The following DNAJC13 variants were observed in gnomAD, a reference collection of about 807,000 sequenced individuals.
DNAJC13 encodes DnaJ heat shock protein family (Hsp40) member C13.
DNAJC13 carries 75 observed loss-of-function variants against 290.5 expected under a neutral mutation model. That is an observed-to-expected ratio of 0.26 (90% confidence interval 0.21 to 0.31). The LOEUF is 0.31. Ranked by LOEUF, DNAJC13 falls within the 10% of genes least tolerant of loss-of-function variation. The pLI, the probability that DNAJC13 is intolerant of heterozygous loss-of-function variation, is 1.00. For synonymous variants in DNAJC13, 862 were observed against 892.0 expected (o/e 0.97, Z 0.60); for missense variants, 2,260 against 2,674.5 (o/e 0.85, Z 3.42).
At chr3:132,513,392 C>G (rs1935834630) in intron 45 of DNAJC13, among the ~76,000 whole-genome samples, 1 of 152,100 alleles carries the variant, frequency 6.6e-6, no homozygotes. Context: ...ACTGGGGAAG[C>G]TTAGAAGCCA....
chr3:132,504,327 TA>T (rs1170436061), intron 41 of DNAJC13, among the ~76,000 whole-genome samples: 11 of 131,764 alleles, frequency 8.3e-5, no homozygotes, highest in Non-Finnish European at 1.1e-4. Context: ...TTTTTTTTTT[TA>T]ATTTTGTTTT....
chr3:132,531,796 C>CAAA (rs556425849), intron 55 of DNAJC13, among the ~76,000 whole-genome samples: 2 of 123,492 alleles, frequency 1.6e-5, no homozygotes, highest in African/African-American at 3.0e-5. Flanking sequence ...GACTCTGCCT[C>CAAA]AAAAAAAAAA....
intron 48 of DNAJC13, among the ~76,000 whole-genome samples, chr3:132,519,880 T>TA (rs1299800481): frequency 1.3e-5 from 2 of 152,184 alleles, no homozygotes; most frequent in Non-Finnish European, 2.9e-5. Context: ...TTATTGGACT[T>TA]ACATCTCCAT....
At chr3:132,492,721 G>GAAGGAA in intron 33 of DNAJC13, 106 bp downstream of exon 33, 1 of 960,270 alleles carries the variant, frequency 1.0e-6, no homozygotes, top group Non-Finnish European at 1.6e-6. Flanking sequence ...GCTTTCTTAA[G>GAAGGAA]TATTCCTTCT....
chr3:132,438,517 G>T (rs1267926087), intron 2 of DNAJC13, among the ~76,000 whole-genome samples: 1 of 152,164 alleles, frequency 6.6e-6, no homozygotes. Context: ...GGGATTTAGG[G>T]CCTCAGTTTT....
chr3:132,462,180 TTA>T (rs1933819993), intron 15 of DNAJC13, among the ~76,000 whole-genome samples: 1 of 152,204 alleles, frequency 6.6e-6, no homozygotes, highest in African/African-American at 2.4e-5. Flanking sequence ...TATATTTTTA[TTA>T]TTTTAGTATC....
intron 45 of DNAJC13, among the ~76,000 whole-genome samples, chr3:132,514,287 C>T (rs1935858072): frequency 6.6e-6 from 1 of 152,060 alleles, no homozygotes; most frequent in Non-Finnish European, 1.5e-5. Context: ...TCATTATTTT[C>T]CTAATCACCA....
intron 41 of DNAJC13, 48 bp from the exon 42 acceptor site, chr3:132,505,254 A>G: frequency 8.3e-7 from 1 of 1,203,954 alleles, no homozygotes; most frequent in Admixed American, 1.9e-5. Flanking sequence ...TGATAATGTC[A>G]ATAAGTTTTT....
In DNAJC13 at chr3:132,482,337, A is replaced by G. The variant is rs757750194; in HGVS notation, c.2979+7A>G. ...CCCGTATGGATTTCATGAGGTATGTATCTTGGAGATACTTTTGGTGAAGGT... is the reference window on the plus strand; with the variant it reads ...CCCGTATGGATTTCATGAGGTATGTGTCTTGGAGATACTTTTGGTGAAGGT... On this transcript the variant is annotated splice_region_variant and intron_variant, in intron 27 of 55. Transcript: ENST00000260818. The G allele has an allele frequency of 2.5e-6, 4 of 1,609,206 alleles. No individual in the cohort carries two copies. Among genetic ancestry groups the G allele is most frequent in the Non-Finnish European group, 3.4e-6 (4 of 1,176,430 alleles).
At chr3:132,525,823 C>G (rs756029102) in intron 52 of DNAJC13, 34 bp downstream of exon 52, 1 of 1,595,924 alleles carries the variant, frequency 6.3e-7, no homozygotes, top group African/African-American at 1.3e-5. Flanking sequence ...TTTATAAGCT[C>G]CAGAATTTAT....
chr3:132,524,883 A>G (rs549041324), intron 51 of DNAJC13, among the ~76,000 whole-genome samples: 1 of 152,242 alleles, frequency 6.6e-6, no homozygotes, highest in Non-Finnish European at 1.5e-5. Context: ...CACAATAGAA[A>G]GTGCTTTGTG....
At chr3:132,526,547 C>T (rs944562921) in intron 53 of DNAJC13, among the ~76,000 whole-genome samples, 1 of 152,144 alleles carries the variant, frequency 6.6e-6, no homozygotes, top group Admixed American at 6.5e-5. Flanking sequence ...AACAGTCTTA[C>T]CAACTTGAGA....
intron 20 of DNAJC13, among the ~76,000 whole-genome samples, chr3:132,469,998 A>ATTTG (rs1934141437): frequency 3.8e-5 from 2 of 52,208 alleles, no homozygotes; most frequent in Non-Finnish European, 7.6e-5. Context: ...TTTTTAATTT[A>ATTTG]TTTTTTTATT....
At position 132,480,389 on chromosome 3, in the gene DNAJC13, G is replaced by A. The variant is rs1934628452; in HGVS notation, c.2793G>A (p.Met931Ile). The A allele has an allele frequency of 2.5e-6, 4 of 1,612,928 alleles. No individual in the cohort carries two copies. In the East Asian group the frequency reaches 8.9e-5, roughly 36 times the overall value. Residue 931 changes from methionine (M) to isoleucine (I), a missense_variant, in exon 26 of 56, where the codon ATG becomes ATA. By Grantham distance (10) the Met-to-Ile change is conservative (BLOSUM62 1). Coordinates refer to ENST00000260818, the MANE Select transcript of DNAJC13 (RefSeq NM_015268.4). ...ILNKKNVKDL[M>I]DSNGIRILVD... ...TCCAGAAAAATGTTAAGGATCTCAT[G>A]GATTCAAATGGAATAAGAATCCTTG...
intron 22 of DNAJC13, among the ~76,000 whole-genome samples, 169 bp downstream of exon 22, chr3:132,475,254 TAAA>T (rs1190156857): frequency 6.6e-6 from 1 of 152,108 alleles, no homozygotes. Context: ...CAGACAAAAA[TAAA>T]AAAATTTTGT....
intron 43 of DNAJC13, among the ~76,000 whole-genome samples, chr3:132,508,665 A>G (rs748727485): frequency 7.9e-5 from 12 of 152,202 alleles, no homozygotes; most frequent in Non-Finnish European, 1.6e-4. Context: ...TTGAAAAACT[A>G]TTGGGTACTG....
intron 34 of DNAJC13, 116 bp downstream of exon 34, chr3:132,494,375 T>G (rs1935164184): frequency 2.5e-6 from 2 of 797,230 alleles, no homozygotes; most frequent in Non-Finnish European, 4.2e-6. Flanking sequence ...CTTTGATATA[T>G]ACACCTTGGG....
chr3:132,441,859 T>C (rs114001847), intron 2 of DNAJC13, among the ~76,000 whole-genome samples: 1,682 of 152,236 alleles, frequency 0.011, 26 homozygotes, highest in African/African-American at 0.039. Flanking sequence ...ATTTCAGATG[T>C]TTGAATTAGA....
At chr3:132,524,276 T>C (rs909866879) in intron 51 of DNAJC13, among the ~76,000 whole-genome samples, 2 of 152,246 alleles carry the variant, frequency 1.3e-5, no homozygotes, top group African/African-American at 4.8e-5. Context: ...AAAGTCTTTT[T>C]TGTTTTCAGA....
Sources: allele counts gnomAD v4.1 joint callset (sites outside exome capture counted in the v4.1 genomes callset), GRCh38; gene constraint gnomAD v4.1.1; transcripts MANE v1.5; gene names NCBI Gene and HGNC (gene_info 2026-07-23, HGNC 2026-07-21).